TLK1: variants seen among roughly 807,000 people sequenced by gnomAD.
TLK1 encodes serine/threonine-protein kinase tousled-like 1.
In TLK1, 24 loss-of-function variants were observed where a neutral mutation model predicts 105.3. That is an observed-to-expected ratio of 0.23 (90% CI 0.17 to 0.32). The LOEUF (loss-of-function observed/expected upper bound fraction) is 0.32, where lower values mean the gene tolerates loss of function less well. TLK1 is among the 10% of genes least tolerant of loss of function. TLK1 has a pLI of 1.00. For missense variants in TLK1, 558 were observed against 910.5 expected (o/e 0.61, Z 4.98); for synonymous variants, 321 against 310.4 (o/e 1.03, Z -0.36).
intron 3 of TLK1, among the ~76,000 whole-genome samples, chr2:171,072,773 A>G (rs1469122703): frequency 1.3e-5 from 2 of 150,854 alleles, no homozygotes; most frequent in Admixed American, 6.6e-5. Flanking sequence ...CATCTCAAAG[A>G]AAAAAAAATG....
At chr2:171,085,610 A>G (rs965390940) in intron 2 of TLK1, among the ~76,000 whole-genome samples, 19 of 152,232 alleles carry the variant, frequency 1.2e-4, no homozygotes, top group Admixed American at 1.2e-3. Flanking sequence ...AAATAAAAGC[A>G]AAGTGTTTTA....
chr2:171,079,721 T>G (rs1295232021), intron 3 of TLK1, among the ~76,000 whole-genome samples: 2 of 152,148 alleles, frequency 1.3e-5, no homozygotes, highest in African/African-American at 4.8e-5. Context: ...CAAACTGAAA[T>G]AAAAATTTCA....
chr2:171,010,762 A>AT (rs1331747088), intron 14 of TLK1, among the ~76,000 whole-genome samples: 2 of 152,278 alleles, frequency 1.3e-5, no homozygotes, highest in East Asian at 1.9e-4. Flanking sequence ...TACTTCAGAC[A>AT]TTTTTTAATT....
At chr2:171,230,250 T>G (rs576870072) in intron 1 of TLK1, among the ~76,000 whole-genome samples, 82 of 152,304 alleles carry the variant, frequency 5.4e-4, no homozygotes, top group African/African-American at 1.9e-3. Flanking sequence ...GGCAGAAATA[T>G]AGTTATAATT....
chr2:171,205,280 A>C (rs897235576), intron 1 of TLK1, among the ~76,000 whole-genome samples: 1 of 151,856 alleles, frequency 6.6e-6, no homozygotes, highest in Non-Finnish European at 1.5e-5. Flanking sequence ...TGACAGTTAA[A>C]TTATAGAAAT....
At chr2:171,019,335 TGAA>T (rs1195293781) in intron 12 of TLK1, among the ~76,000 whole-genome samples, 2 of 152,192 alleles carry the variant, frequency 1.3e-5, no homozygotes, top group African/African-American at 4.8e-5. Flanking sequence ...GGTTCCCATG[TGAA>T]GGAGATGTTT....
chr2:171,231,117 T>G (rs1693987840), intron 1 of TLK1: 1 of 152,184 alleles, frequency 6.6e-6, no homozygotes, highest in African/African-American at 2.4e-5. Flanking sequence ...TTTGATGGCT[T>G]AAAAATAACA....
chr2:171,152,951 C>T (rs1453682904), intron 1 of TLK1, among the ~76,000 whole-genome samples: 1 of 152,092 alleles, frequency 6.6e-6, no homozygotes, highest in Non-Finnish European at 1.5e-5. Flanking sequence ...GCTGGTACAG[C>T]TTTCTAAATT....
intron 3 of TLK1, among the ~76,000 whole-genome samples, chr2:171,079,685 G>C (rs1420579513): frequency 6.6e-6 from 1 of 152,076 alleles, no homozygotes; most frequent in Non-Finnish European, 1.5e-5. Context: ...TAGAAAAAAA[G>C]ATTCATATAT....
At chr2:171,081,789 G>GA (rs1688765358) in intron 3 of TLK1, 1 of 961,892 alleles carries the variant, frequency 1.0e-6, no homozygotes, top group Non-Finnish European at 1.5e-6. Flanking sequence ...AGAACTGCAC[G>GA]AAACTGTCTA....
At chr2:171,105,829 C>A (rs1689900526) in intron 2 of TLK1, among the ~76,000 whole-genome samples, 1 of 152,058 alleles carries the variant, frequency 6.6e-6, no homozygotes, top group Non-Finnish European at 1.5e-5. Context: ...GATACAACTA[C>A]CATATGATCC....
At chr2:171,171,758 C>G (rs1465291632) in intron 1 of TLK1, among the ~76,000 whole-genome samples, 1 of 152,022 alleles carries the variant, frequency 6.6e-6, no homozygotes, top group East Asian at 1.9e-4. Flanking sequence ...AAATGAGATA[C>G]CACTCAACAG....
intron 2 of TLK1, among the ~76,000 whole-genome samples, chr2:171,087,602 A>G (rs1423453216): frequency 6.6e-6 from 1 of 152,228 alleles, no homozygotes; most frequent in African/African-American, 2.4e-5. Context: ...ACATTAATTT[A>G]CAGATTGAAG....
intron 3 of TLK1, among the ~76,000 whole-genome samples, chr2:171,077,959 C>A (rs1015686153): frequency 6.6e-6 from 1 of 152,092 alleles, no homozygotes; most frequent in Non-Finnish European, 1.5e-5. Flanking sequence ...TCGCAGGGGA[C>A]CCCTAGAAAT....
chr2:171,157,036 G>A (rs1692265983), intron 1 of TLK1, among the ~76,000 whole-genome samples: 1 of 152,068 alleles, frequency 6.6e-6, no homozygotes, highest in African/African-American at 2.4e-5. Context: ...GAACTCCTGA[G>A]CTCAAGCAAT....
At chr2:171,170,807 C>G (rs1185512318) in intron 1 of TLK1, among the ~76,000 whole-genome samples, 1 of 152,108 alleles carries the variant, frequency 6.6e-6, no homozygotes, top group Non-Finnish European at 1.5e-5. Flanking sequence ...AAATGTCAAA[C>G]CACCCAAATA....
At chr2:171,082,229 T>C (rs1172844008) in intron 3 of TLK1, among the ~76,000 whole-genome samples, 1 of 152,064 alleles carries the variant, frequency 6.6e-6, no homozygotes, top group Non-Finnish European at 1.5e-5. Context: ...TCCAAATGCC[T>C]GCTTGTAAAA....
rs901230302 is a variant in TLK1, at chr2:171,050,179, G to A, written c.733-5C>T. 9.5e-6 allele frequency: 15 copies of A among 1,584,732 alleles called. No individual in the cohort carries two copies. The highest frequency in any genetic ancestry group is 1.3e-5 in the Non-Finnish European group (15 of 1,162,774). ...CCGTCTGAGATCACAGTTAGCCTAT[G>A]ACATAAGTAGAAAATGCAAGAGGTC... On this transcript the variant is annotated splice_polypyrimidine_tract_variant and splice_region_variant and intron_variant, in intron 8 of 20. Coordinates refer to ENST00000431350, the MANE Select transcript of TLK1 (RefSeq NM_012290.5).
At chr2:171,176,492 A>C (rs1477230275) in intron 1 of TLK1, among the ~76,000 whole-genome samples, 1 of 152,188 alleles carries the variant, frequency 6.6e-6, no homozygotes, top group Non-Finnish European at 1.5e-5. Flanking sequence ...CCATCTCTGT[A>C]AATGGCCCCA....
Sources: allele counts gnomAD v4.1 joint callset (sites outside exome capture counted in the v4.1 genomes callset), GRCh38; gene constraint gnomAD v4.1.1; transcripts MANE v1.5; gene names NCBI Gene and HGNC (gene_info 2026-07-23, HGNC 2026-07-21).